PTPRK: variants seen among roughly 807,000 people sequenced by gnomAD.
The protein encoded by PTPRK is protein tyrosine phosphatase receptor type K.
PTPRK carries 75 observed loss-of-function variants against 178.0 expected under a neutral mutation model. That is an observed-to-expected ratio of 0.42 (90% CI 0.35 to 0.51). The LOEUF (loss-of-function observed/expected upper bound fraction) is 0.51. PTPRK is among the 20% of genes least tolerant of loss of function. The pLI is 0.02. For missense variants in PTPRK, 1,441 were observed against 1,797.8 expected, an observed-to-expected ratio of 0.80 and a Z score of 3.59; for synonymous variants, 637 against 620.6, an observed-to-expected ratio of 1.03 and a Z score of -0.39.
At chr6:128,262,215 G>A (rs998213719) in intron 3 of PTPRK, among the ~76,000 whole-genome samples, 1 of 152,132 alleles carries the variant, frequency 6.6e-6, no homozygotes, top group African/African-American at 2.4e-5. Context: ...CCAATTTTAT[G>A]TAGTTTCCAA....
Position 128,078,861 on chromosome 6 carries a change from G to A in PTPRK, c.1835C>T (p.Thr612Ile). Residue 612 changes from threonine (T) to isoleucine (I), a missense_variant, in exon 11 of 30, where the codon ACA becomes ATA. Thr to Ile is a moderately conservative substitution (Grantham distance 89, BLOSUM62 -1). Transcript: ENST00000368226. Reference sequence around the variant, plus strand: ...TGCTGGTCTCAACAATACAGTTATTGTGGTGGCAGTTTCATTGAGAGAGGC... The same window carrying A: ...TGCTGGTCTCAACAATACAGTTATTATGGTGGCAGTTTCATTGAGAGAGGC... Reference protein sequence around the residue: ...VDASLNETATTITVLLRPAQA... With the variant: ...VDASLNETATIITVLLRPAQA... 2 of 1,612,454 alleles carry A rather than the reference G, an allele frequency of 1.2e-6. No homozygotes were observed. The highest frequency in any genetic ancestry group is 1.7e-6 in the Non-Finnish European group (2 of 1,178,850).
Position 128,485,624 on chromosome 6 carries a change from A to G in PTPRK, c.100+34635T>C, listed in dbSNP as rs1041845998. ...ACTATTTTGCACAGTTGCTGTCCCC[A>G]TGAGGAATGCTAGCGAATGAAGGAA... On this transcript the variant is annotated intron_variant, in intron 1 of 29. Transcript: ENST00000368226. 2.0e-5 allele frequency among the ~76,000 whole-genome samples: 3 copies of G among 152,198 alleles called. No homozygotes were observed. In the South Asian group the frequency reaches 6.2e-4, roughly 32 times the overall value.
intron 2 of PTPRK, among the ~76,000 whole-genome samples, chr6:128,373,014 C>T (rs1452822039): frequency 2.0e-5 from 3 of 151,560 alleles, no homozygotes; most frequent in African/African-American, 7.3e-5. Flanking sequence ...AAAATGGTGA[C>T]CTAGGACTGG....
chr6:128,508,156 C>T (rs1856636172), intron 1 of PTPRK, among the ~76,000 whole-genome samples: 1 of 152,118 alleles, frequency 6.6e-6, no homozygotes, highest in African/African-American at 2.4e-5. Flanking sequence ...AAGCCCCAAG[C>T]TTCACTTGTG....
At chr6:128,446,343 T>C (rs1847027188) in intron 1 of PTPRK, among the ~76,000 whole-genome samples, 1 of 152,184 alleles carries the variant, frequency 6.6e-6, no homozygotes, top group Admixed American at 6.5e-5. Flanking sequence ...TAAACTGTAT[T>C]TGTAATCAGA....
chr6:128,461,774 T>A (rs6914064), intron 1 of PTPRK, among the ~76,000 whole-genome samples: 1 of 151,896 alleles, frequency 6.6e-6, no homozygotes, highest in East Asian at 1.9e-4. Flanking sequence ...CCTCCCTGCT[T>A]TCCTAGGCAA....
chr6:128,183,786 C>T (rs1802312867), intron 7 of PTPRK, among the ~76,000 whole-genome samples: 1 of 80,284 alleles, frequency 1.2e-5, no homozygotes, highest in South Asian at 5.3e-4. Flanking sequence ...TGGTTATATA[C>T]AATTTTTTAA....
chr6:128,316,740 CAG>C (rs1179908546), intron 3 of PTPRK, among the ~76,000 whole-genome samples: 2 of 136,948 alleles, frequency 1.5e-5, no homozygotes, highest in Admixed American at 7.9e-5. Flanking sequence ...AAATTTGAGA[CAG>C]AGTCTCACGC....
chr6:128,062,485 C>A (rs1781018943), intron 13 of PTPRK: 1 of 166,094 alleles, frequency 6.0e-6, no homozygotes, highest in South Asian at 2.1e-4. Context: ...AACAAGCGAA[C>A]AAAAAACCCT....
At chr6:128,514,298 A>C (rs944379509) in intron 1 of PTPRK, among the ~76,000 whole-genome samples, 3 of 152,078 alleles carry the variant, frequency 2.0e-5, no homozygotes, top group African/African-American at 7.2e-5. Flanking sequence ...TGGAGTTTTG[A>C]TACCATCTCT....
intron 1 of PTPRK, among the ~76,000 whole-genome samples, chr6:128,471,688 C>A (rs1406872189): frequency 4.7e-5 from 7 of 147,504 alleles, no homozygotes; most frequent in African/African-American, 1.8e-4. Flanking sequence ...ATGGACCAGG[C>A]AAATGGACTC....
At chr6:128,325,456 A>C (rs767907093) in intron 2 of PTPRK, among the ~76,000 whole-genome samples, 1 of 152,186 alleles carries the variant, frequency 6.6e-6, no homozygotes, top group Non-Finnish European at 1.5e-5. Flanking sequence ...AGAATCTACA[A>C]GGAATTTAAA....
chr6:128,295,069 G>C (rs2128308439), intron 3 of PTPRK, among the ~76,000 whole-genome samples: 1 of 152,138 alleles, frequency 6.6e-6, no homozygotes, highest in East Asian at 1.9e-4. Context: ...CCTTAAGTCA[G>C]TAATATGTGA....
chr6:127,988,532 T>C (rs1168827763), intron 21 of PTPRK, among the ~76,000 whole-genome samples: 1 of 151,466 alleles, frequency 6.6e-6, no homozygotes, highest in Admixed American at 6.6e-5. Flanking sequence ...ATAATAACAA[T>C]CATCCTATTT....
chr6:128,104,689 CTCT>C (rs1424058957), intron 7 of PTPRK, among the ~76,000 whole-genome samples: 4 of 152,182 alleles, frequency 2.6e-5, no homozygotes, highest in Non-Finnish European at 5.9e-5. Flanking sequence ...TTGAAGGTTA[CTCT>C]TCGGTAACAG....
chr6:128,492,425 A>G (rs1230157450), intron 1 of PTPRK, among the ~76,000 whole-genome samples: 1 of 152,220 alleles, frequency 6.6e-6, no homozygotes, highest in Non-Finnish European at 1.5e-5. Flanking sequence ...AATTTTCAAG[A>G]GAACCTTGTA....
At chr6:128,139,245 G>A (rs1172455190) in intron 7 of PTPRK, among the ~76,000 whole-genome samples, 1 of 152,016 alleles carries the variant, frequency 6.6e-6, no homozygotes, top group Non-Finnish European at 1.5e-5. Flanking sequence ...GCAAGCAGTG[G>A]TAAACCTCTG....
At chr6:128,148,590 G>A (rs979075452) in intron 7 of PTPRK, among the ~76,000 whole-genome samples, 6 of 152,016 alleles carry the variant, frequency 3.9e-5, no homozygotes, top group African/African-American at 1.4e-4. Context: ...CTGATCATTA[G>A]CATTTTATTA....
At position 128,318,936 on chromosome 6, in the gene PTPRK, C is replaced by G. The variant is rs147140411; in HGVS notation, c.495+3103G>C. 3.6e-3 allele frequency among the ~76,000 whole-genome samples: 548 copies of G among 152,168 alleles called. 1 individual carries two copies. The highest frequency in any genetic ancestry group is 6.6e-3 in the Non-Finnish European group (447 of 67,984). ...AATACGTAGAATAGCATCTTTCAAC[C>G]ATAGCAAATAAAACAAATGTAATAC... On this transcript the variant is annotated intron_variant, in intron 3 of 29. Transcript: ENST00000368226.
Sources: gnomAD v4.1 joint callset for allele counts (sites outside exome capture counted in the v4.1 genomes callset) on GRCh38, gnomAD v4.1.1 for gene constraint, MANE v1.5 for transcripts, NCBI Gene and HGNC (gene_info 2026-07-23, HGNC 2026-07-21) for gene names.